SPSB4: variants seen among roughly 807,000 people sequenced by gnomAD.
SPSB4 encodes SPRY domain-containing SOCS box protein 4.
In SPSB4, 21 loss-of-function variants were observed where a neutral mutation model predicts 20.9. The observed-to-expected ratio is 1.01, with a 90% confidence interval of 0.71 to 1.45. SPSB4 has a LOEUF of 1.45. Among genes scored for constraint, SPSB4 ranks in the 40% most tolerant of loss-of-function variants. The probability of loss-of-function intolerance (pLI) is 0.00; values close to 1 mark genes in which losing one functional copy is unlikely to be tolerated. For missense variants in SPSB4, 399 were observed against 399.2 expected (o/e 1.00, Z 0.00); for synonymous variants, 207 against 183.8 (o/e 1.13, Z -1.02).
chr3:141,092,514 C>T lies in SPSB4; in HGVS notation c.694+25716C>T, dbSNP rs57850283. On this transcript the variant is annotated intron_variant, in intron 2 of 2. Coordinates refer to ENST00000310546, the MANE Select transcript of SPSB4 (RefSeq NM_080862.3). ...ACTAATACCTCCATGTGCCCCTGTG[C>T]ACCAGGAGTGGGCCTTGAGGCTGGG... Among the ~76,000 whole-genome samples, 314 of 152,334 alleles carry T rather than the reference C, an allele frequency of 2.1e-3. 1 individual carries two copies. The highest frequency in any genetic ancestry group is 7.4e-3 in the African/African-American group (307 of 41,580).
At chr3:141,127,665 A>G (rs940195064) in intron 2 of SPSB4, among the ~76,000 whole-genome samples, 2 of 152,268 alleles carry the variant, frequency 1.3e-5, no homozygotes, top group Non-Finnish European at 1.5e-5. Context: ...CCAAACGTCA[A>G]CCGGTGGAGA....
chr3:141,101,304 C>T (rs750692868), intron 2 of SPSB4, among the ~76,000 whole-genome samples: 3 of 152,202 alleles, frequency 2.0e-5, no homozygotes, highest in Non-Finnish European at 4.4e-5. Context: ...CCCTCAGCAT[C>T]GCACTAAGGC....
At chr3:141,072,809 G>A (rs57164953) in intron 2 of SPSB4, among the ~76,000 whole-genome samples, 15,189 of 152,000 alleles carry the variant, frequency 0.1, 2,286 homozygotes, top group African/African-American at 0.33. Flanking sequence ...TGTGTATCTC[G>A]GCCCCCCATC....
chr3:141,102,778 A>G (rs975370538), intron 2 of SPSB4, among the ~76,000 whole-genome samples: 2 of 152,190 alleles, frequency 1.3e-5, no homozygotes, highest in East Asian at 1.9e-4. Context: ...CAGACTTACT[A>G]ACAGGTAAGT....
intron 2 of SPSB4, among the ~76,000 whole-genome samples, chr3:141,087,794 C>T (rs774756968): frequency 9.2e-5 from 14 of 152,148 alleles, no homozygotes; most frequent in Non-Finnish European, 1.6e-4. Context: ...GGGATGATGG[C>T]AATTGTCTCT....
intron 2 of SPSB4, among the ~76,000 whole-genome samples, chr3:141,086,469 A>T (rs1938341767): frequency 6.6e-6 from 1 of 152,214 alleles, no homozygotes; most frequent in Non-Finnish European, 1.5e-5. Flanking sequence ...TGCCCACCTT[A>T]TGGGGCTGTT....
At chr3:141,092,406 C>G (rs576434572) in intron 2 of SPSB4, among the ~76,000 whole-genome samples, 16 of 152,370 alleles carry the variant, frequency 1.1e-4, no homozygotes, top group African/African-American at 3.8e-4. Context: ...CTAACCATAT[C>G]TACCATTCTC....
At chr3:141,140,440 T>G (rs1042090677) in intron 2 of SPSB4, among the ~76,000 whole-genome samples, 3 of 152,196 alleles carry the variant, frequency 2.0e-5, no homozygotes, top group Non-Finnish European at 4.4e-5. Context: ...TTCTGCTCTG[T>G]TTTTTCCCCA....
chr3:141,077,955 T>TC (rs917824021), intron 2 of SPSB4, among the ~76,000 whole-genome samples: 2 of 152,186 alleles, frequency 1.3e-5, no homozygotes, highest in Admixed American at 1.3e-4. Context: ...TGCCATGGTC[T>TC]CCCCCCATCT....
intron 2 of SPSB4, among the ~76,000 whole-genome samples, chr3:141,115,845 T>A (rs1938871943): frequency 6.6e-6 from 1 of 152,198 alleles, no homozygotes; most frequent in Admixed American, 6.5e-5. Context: ...CCTAATTGGA[T>A]CATTTGACTA....
chr3:141,130,268 G>A (rs1939113382), intron 2 of SPSB4, among the ~76,000 whole-genome samples: 1 of 152,224 alleles, frequency 6.6e-6, no homozygotes, highest in African/African-American at 2.4e-5. Flanking sequence ...CCAGAAAGAT[G>A]AGGCATGTTC....
Position 141,066,792 on chromosome 3 carries a change from C to G in SPSB4, c.688C>G (p.Leu230Val), listed in dbSNP as rs776689296. The G allele has an allele frequency of 1.9e-6, 3 of 1,543,374 alleles. No homozygotes were observed. The highest frequency in any genetic ancestry group is 4.6e-5 in the East Asian group (2 of 43,874). The change falls in exon 2 of 3, where the codon CTT (leucine) becomes GTT (valine). Residue 230 changes from leucine (L) to valine (V), a missense_variant. Leu to Val is a conservative substitution (Grantham distance 32). Transcript: ENST00000310546. ...CEVTMRYING[L>V]DPEPLPLMDL... ...AGTCACCATGCGCTACATCAACGGC[C>G]TTGACCGTAAGTTGTGCTGGGCTGG...
chr3:141,076,544 A>G (rs1938113569), intron 2 of SPSB4, among the ~76,000 whole-genome samples: 1 of 152,224 alleles, frequency 6.6e-6, no homozygotes, highest in Non-Finnish European at 1.5e-5. Context: ...AAGGCTTGTC[A>G]GCACCCTATG....
Position 141,051,902 on chromosome 3 carries a change from G to C in SPSB4, c.-244G>C, listed in dbSNP as rs1418079772. The C allele has an allele frequency of 1.3e-5, 2 of 152,322 alleles. No homozygotes were observed. Among genetic ancestry groups the C allele is most frequent in the Non-Finnish European group, 2.9e-5 (2 of 68,136 alleles). The allele number at this position is 152,322 out of a possible 1,614,324, so 9.4% of individuals were successfully genotyped here. A position where few individuals can be genotyped will look rare whatever the true frequency, so the allele number is the denominator to read the frequency against. On this transcript the variant is annotated 5_prime_UTR_variant, in exon 1 of 3. Coordinates refer to ENST00000310546, the MANE Select transcript of SPSB4 (RefSeq NM_080862.3). ...GGGTCACTCGGGCGCCCCTGAGTGG[G>C]CGGCGGCGGCAGCAGACCCCTCTCC...
intron 2 of SPSB4, among the ~76,000 whole-genome samples, chr3:141,105,516 A>G (rs1289772444): frequency 6.6e-6 from 1 of 152,212 alleles, no homozygotes; most frequent in Admixed American, 6.5e-5. Flanking sequence ...TCAAACACCT[A>G]CTATATGCTG....
At chr3:141,137,815 A>G (rs1233715314) in intron 2 of SPSB4, among the ~76,000 whole-genome samples, 1 of 152,048 alleles carries the variant, frequency 6.6e-6, no homozygotes, top group South Asian at 2.1e-4. Flanking sequence ...TGTGTCTCTG[A>G]CAGGCTTTGG....
rs115596765 is a variant in SPSB4 at position 141,115,530 on chromosome 3, G to A, written c.695-31612G>A. Among the ~76,000 whole-genome samples the A allele has an allele frequency of 5.6e-3, 855 of 152,312 alleles. 9 individuals carry two copies. The highest frequency in any genetic ancestry group is 0.02 in the African/African-American group (824 of 41,564). On this transcript the variant is annotated intron_variant, in intron 2 of 2. Transcript: ENST00000310546. Reference sequence around the variant, plus strand: ...CACTATTCAGTTAGGTTACCTGCCTGGCACCATGGATGCCGGAGTTTGCAG... The same window carrying A: ...CACTATTCAGTTAGGTTACCTGCCTAGCACCATGGATGCCGGAGTTTGCAG...
At chr3:141,120,150 T>C (rs1054995331) in intron 2 of SPSB4, among the ~76,000 whole-genome samples, 6 of 152,242 alleles carry the variant, frequency 3.9e-5, no homozygotes, top group African/African-American at 1.4e-4. Context: ...ACTTATTTAT[T>C]TCTGCCTTCA....
chr3:141,125,465 C>T (rs780564729), intron 2 of SPSB4, among the ~76,000 whole-genome samples: 5 of 152,206 alleles, frequency 3.3e-5, no homozygotes, highest in Non-Finnish European at 5.9e-5. Context: ...GTTCAGAACC[C>T]TGAAGACCAG....
Sources: allele counts gnomAD v4.1 joint callset (sites outside exome capture counted in the v4.1 genomes callset), GRCh38; gene constraint gnomAD v4.1.1; transcripts MANE v1.5; gene names NCBI Gene and HGNC (gene_info 2026-07-23, HGNC 2026-07-21).